Variants in GRM8 observed in about 807,000 individuals in gnomAD.
GRM8 encodes the protein glutamate metabotropic receptor 8, also known as metabotropic glutamate receptor 8.
GRM8 carries 47 observed loss-of-function variants against 87.2 expected under a neutral mutation model. That is an observed-to-expected ratio of 0.54 (90% CI 0.43 to 0.69). The LOEUF is 0.69. Among genes scored for constraint, GRM8 ranks in the 30% least tolerant of loss-of-function variants. The probability of loss-of-function intolerance (pLI) is 0.00; values close to 1 mark genes in which losing one functional copy is unlikely to be tolerated. For synonymous variants in GRM8, 396 were observed against 404.5 expected, an observed-to-expected ratio of 0.98 and a Z score of 0.25; for missense variants, 1,019 against 1,139.2, an observed-to-expected ratio of 0.89 and a Z score of 1.52.
chr7:126,546,703 T>G (rs1367368615), intron 8 of GRM8, among the ~76,000 whole-genome samples: 2 of 152,200 alleles, frequency 1.3e-5, no homozygotes, highest in Admixed American at 1.3e-4. Context: ...TAAATGTTTG[T>G]TTCATGGTTT....
At chr7:127,091,876 C>T (rs1180941802) in intron 3 of GRM8, among the ~76,000 whole-genome samples, 2 of 107,154 alleles carry the variant, frequency 1.9e-5, no homozygotes, top group South Asian at 3.8e-4. Flanking sequence ...CGCCGGCCCA[C>T]TCATCATTCC....
chr7:126,492,457 A>G (rs1396868579), intron 9 of GRM8, among the ~76,000 whole-genome samples: 2 of 152,052 alleles, frequency 1.3e-5, no homozygotes, highest in Non-Finnish European at 2.9e-5. Context: ...CACTATATAC[A>G]TGAAGAACTT....
chr7:126,689,615 G>C (rs950744362), intron 7 of GRM8, among the ~76,000 whole-genome samples: 8 of 152,082 alleles, frequency 5.3e-5, no homozygotes, highest in Admixed American at 1.3e-4. Context: ...TGGGATCTAG[G>C]GGGTGGCTGG....
chr7:126,481,855 A>C (rs1321577473), intron 9 of GRM8, among the ~76,000 whole-genome samples: 1 of 152,032 alleles, frequency 6.6e-6, no homozygotes, highest in East Asian at 1.9e-4. Flanking sequence ...TGCAATGTTC[A>C]TATTAGGGAA....
chr7:126,510,151 T>C (rs1308119204), intron 9 of GRM8, among the ~76,000 whole-genome samples: 1 of 152,066 alleles, frequency 6.6e-6, no homozygotes, highest in East Asian at 1.9e-4. Flanking sequence ...GCTGCACATT[T>C]CTTTTGGCAG....
chr7:126,527,001 C>T (rs577097753), intron 9 of GRM8, among the ~76,000 whole-genome samples: 2 of 152,280 alleles, frequency 1.3e-5, no homozygotes, highest in African/African-American at 4.8e-5. Context: ...TTAAATAGTT[C>T]TGTAATGTGG....
At chr7:126,718,569 T>C (rs940435442) in intron 7 of GRM8, among the ~76,000 whole-genome samples, 7 of 152,180 alleles carry the variant, frequency 4.6e-5, no homozygotes, top group African/African-American at 1.7e-4. Context: ...ACTAGCTACT[T>C]TGCAGGGCAT....
intron 7 of GRM8, among the ~76,000 whole-genome samples, chr7:126,695,788 C>A (rs1809318418): frequency 1.3e-5 from 2 of 152,184 alleles, no homozygotes; most frequent in South Asian, 2.1e-4. Flanking sequence ...AGAAAAATTT[C>A]TCTGGCCACA....
intron 7 of GRM8, among the ~76,000 whole-genome samples, chr7:126,752,240 G>A (rs1220727845): frequency 6.6e-6 from 1 of 151,994 alleles, no homozygotes; most frequent in African/African-American, 2.4e-5. Flanking sequence ...AGGCAGTAGT[G>A]CACTATAGTA....
At chr7:126,828,412 G>T (rs960188003) in intron 6 of GRM8, among the ~76,000 whole-genome samples, 2 of 152,152 alleles carry the variant, frequency 1.3e-5, no homozygotes, top group African/African-American at 4.8e-5. Context: ...TCTATTCAGA[G>T]ATTCAACTTC....
chr7:127,103,369 A>G (rs868655110), intron 3 of GRM8, among the ~76,000 whole-genome samples: 4 of 152,170 alleles, frequency 2.6e-5, no homozygotes, highest in Middle Eastern at 3.2e-3. Context: ...TCTTCAAGAT[A>G]GTGAGTTCTC....
chr7:126,764,146 C>A (rs1219618431), intron 7 of GRM8, among the ~76,000 whole-genome samples: 1 of 151,586 alleles, frequency 6.6e-6, no homozygotes, highest in African/African-American at 2.4e-5. Flanking sequence ...GTAATTTTTC[C>A]CTTATAGTAA....
intron 6 of GRM8, among the ~76,000 whole-genome samples, chr7:126,837,632 G>T (rs993152263): frequency 6.6e-6 from 1 of 152,192 alleles, no homozygotes. Flanking sequence ...TTATCTAAGT[G>T]AAAGGAGCCA....
At chr7:126,595,371 GTATTTTATTTTATTTTATTT>G (rs146479444) in intron 8 of GRM8, among the ~76,000 whole-genome samples, 186 of 133,760 alleles carry the variant, frequency 1.4e-3, no homozygotes, top group Middle Eastern at 3.6e-3. Context: ...GCTAATTCTG[GTATTTTATTTTATTTTATTT>G]TATTTTATTT....
chr7:127,077,945 T>C (rs1479739058), intron 3 of GRM8, among the ~76,000 whole-genome samples: 1 of 152,162 alleles, frequency 6.6e-6, no homozygotes, highest in Non-Finnish European at 1.5e-5. Flanking sequence ...GAACTTGACA[T>C]GTAGTAGGTC....
intron 7 of GRM8, among the ~76,000 whole-genome samples, chr7:126,666,246 T>G (rs1192843727): frequency 6.6e-6 from 1 of 152,188 alleles, no homozygotes; most frequent in Non-Finnish European, 1.5e-5. Flanking sequence ...TTCAATATTT[T>G]TATCACCAAA....
chr7:126,723,021 A>C (rs563843182), intron 7 of GRM8, among the ~76,000 whole-genome samples: 4 of 144,412 alleles, frequency 2.8e-5, no homozygotes, highest in African/African-American at 1.0e-4. Context: ...CATATATATA[A>C]ATTATATATA....
chr7:126,803,969 T>C (rs563379701), intron 6 of GRM8, among the ~76,000 whole-genome samples: 11 of 152,334 alleles, frequency 7.2e-5, no homozygotes, highest in African/African-American at 2.4e-4. Flanking sequence ...CCTGACTGAT[T>C]GAGTACCTTT....
At chr7:127,063,125 C>T (rs1340032829) in intron 3 of GRM8, among the ~76,000 whole-genome samples, 1 of 152,046 alleles carries the variant, frequency 6.6e-6, no homozygotes, top group East Asian at 1.9e-4. Context: ...TGGTGGCAGG[C>T]ACCTGTAGTC....
Sources: gnomAD v4.1 joint callset for allele counts (sites outside exome capture counted in the v4.1 genomes callset) on GRCh38, gnomAD v4.1.1 for gene constraint, MANE v1.5 for transcripts, NCBI Gene and HGNC (gene_info 2026-07-23, HGNC 2026-07-21) for gene names.